The following MYO5A variants were observed in gnomAD, a reference collection of about 807,000 sequenced individuals.
MYO5A encodes myosin VA.
Under a neutral mutation model 249.7 loss-of-function variants are expected in MYO5A, and 98 were observed. The ratio of observed to expected loss-of-function variants is 0.39; its 90% CI spans 0.33 to 0.46. The LOEUF (loss-of-function observed/expected upper bound fraction) is 0.46. Among genes scored for constraint, MYO5A ranks in the 20% least tolerant of loss-of-function variants. The probability of loss-of-function intolerance (pLI) is 0.98; values close to 1 mark genes in which losing one functional copy is unlikely to be tolerated. For missense variants in MYO5A, 1,696 were observed against 2,308.8 expected (o/e 0.73, Z 5.44); for synonymous variants, 778 against 810.6 (o/e 0.96, Z 0.68).
chr15:52,436,030 G>A (rs980345042), intron 1 of MYO5A, among the ~76,000 whole-genome samples: 1 of 152,192 alleles, frequency 6.6e-6, no homozygotes, highest in Non-Finnish European at 1.5e-5. Context: ...CGATTCTCCT[G>A]CCTCAGCCTC....
intron 3 of MYO5A, among the ~76,000 whole-genome samples, chr15:52,426,844 G>A (rs554626827): frequency 1.5e-3 from 228 of 152,028 alleles, no homozygotes; most frequent in African/African-American, 5.3e-3. Context: ...TAATGAAGTC[G>A]TCCATTCAAT....
At chr15:52,413,434 G>A (rs2043336515) in intron 5 of MYO5A, among the ~76,000 whole-genome samples, 1 of 152,110 alleles carries the variant, frequency 6.6e-6, no homozygotes. Context: ...TGCAAAAGAA[G>A]CCTATGTTGA....
intron 1 of MYO5A, among the ~76,000 whole-genome samples, chr15:52,474,513 T>A (rs1262031186): frequency 6.6e-6 from 1 of 152,180 alleles, no homozygotes; most frequent in Non-Finnish European, 1.5e-5. Context: ...CAGTATGATA[T>A]TGGCTGTGGG....
upstream of MYO5A, chr15:52,528,942 CGCGGG>C (rs550600899): frequency 0.01 from 6,929 of 665,978 alleles, 85 homozygotes; most frequent in South Asian, 0.015. Context: ...GGGAGGGCCG[CGCGGG>C]GCGGGGCGGG....
In MYO5A at chr15:52,467,026, G is replaced by C. The variant is rs574547763; in HGVS notation, c.28-33741C>G. 1.9e-4 allele frequency among the ~76,000 whole-genome samples: 29 copies of C among 152,270 alleles called. No homozygotes were observed. The South Asian group carries it at 3.1e-3, about 16-fold the overall frequency. ...TGTATATCCAAGGAAATCATACAAAGTCTTTGTCACTTCATGCAGACAAAT... is the reference window on the plus strand; with the variant it reads ...TGTATATCCAAGGAAATCATACAAACTCTTTGTCACTTCATGCAGACAAAT... On this transcript the variant is annotated intron_variant, in intron 1 of 41. Coordinates refer to ENST00000399233, the MANE Select transcript of MYO5A (RefSeq NM_001382347.1).
chr15:52,508,478 T>C (rs1453658364), intron 1 of MYO5A, among the ~76,000 whole-genome samples: 2 of 151,872 alleles, frequency 1.3e-5, no homozygotes, highest in African/African-American at 4.8e-5. Context: ...GAAACATAAA[T>C]ATACATCTAT....
In MYO5A at chr15:52,396,270, G is replaced by T. The variant is rs773519634; in HGVS notation, c.1401+46C>A. The stretch of plus-strand genomic sequence containing the variant: ...TTTTAAACAAAGACTAGGAATTCAA[G>T]AGAATAATTTATAGCAGAGTATTAT... On this transcript the variant is annotated intron_variant, in intron 11 of 41. Coordinates refer to ENST00000399233, the MANE Select transcript of MYO5A (RefSeq NM_001382347.1). The T allele has an allele frequency of 7.1e-6, 8 of 1,125,980 alleles. No individual in the cohort carries two copies. The East Asian group carries it at 9.7e-5, about 14-fold the overall frequency. 69.7% of individuals were successfully genotyped at this position (1,125,980 alleles called of 1,614,324 possible).
chr15:52,426,014 A>G (rs200301094), intron 3 of MYO5A, 40 bp from the exon 4 acceptor site: 16 of 1,572,302 alleles, frequency 1.0e-5, no homozygotes, highest in East Asian at 9.0e-5. Context: ...AAAGAAGTCA[A>G]TGATACCCTA....
intron 14 of MYO5A, among the ~76,000 whole-genome samples, chr15:52,387,036 G>A (rs954271873): frequency 6.6e-6 from 1 of 152,140 alleles, no homozygotes; most frequent in Non-Finnish European, 1.5e-5. Flanking sequence ...CAGTAATCTA[G>A]AAGAATTCAC....
At chr15:52,336,332 CAA>C in intron 34 of MYO5A, 129 bp downstream of exon 34, 1 of 658,114 alleles carries the variant, frequency 1.5e-6, no homozygotes, top group Admixed American at 2.7e-5. Context: ...TTAGGTTTGC[CAA>C]AAGTCATATT....
chr15:52,337,045 T>C (rs1032728633), intron 33 of MYO5A, among the ~76,000 whole-genome samples: 1 of 152,176 alleles, frequency 6.6e-6, no homozygotes, highest in African/African-American at 2.4e-5. Context: ...AACTTAAGAA[T>C]AGTTCAGAAG....
At chr15:52,423,007 G>A (rs532598178) in intron 4 of MYO5A, among the ~76,000 whole-genome samples, 72 of 152,246 alleles carry the variant, frequency 4.7e-4, no homozygotes, top group Middle Eastern at 3.4e-3. Flanking sequence ...ACAGACGTGC[G>A]CCACCATGCC....
chr15:52,397,996 C>T (rs1410163198), intron 9 of MYO5A, among the ~76,000 whole-genome samples: 2 of 152,066 alleles, frequency 1.3e-5, no homozygotes, highest in African/African-American at 4.8e-5. Flanking sequence ...AAGGAAGGTG[C>T]TAACTGGGTG....
In MYO5A at chr15:52,319,307, C is replaced by T. The variant is rs559786780; in HGVS notation, c.4987G>A (p.Val1663Met). ...AACCCTGTGGGCTTCACCCCAGACA[C>T]GCCCTGAATCGTTTCATGTTCCAGC... ...GMLEHETIQG[V>M]SGVKPTGLRK... The change falls in exon 39 of 42, where the codon GTG becomes ATG. Residue 1663 changes from valine (V) to methionine (M), a missense_variant. By Grantham distance (21) the Val-to-Met change is conservative (BLOSUM62 1). This residue lies in a region of MYO5A where 625 missense variants were observed against 908.1 expected (regional missense o/e 0.69). Transcript: ENST00000399233. 41 of 1,614,218 alleles carry T rather than the reference C, an allele frequency of 2.5e-5. No individual in the cohort carries two copies. Among genetic ancestry groups the T allele is most frequent in the South Asian group, 2.0e-4 (18 of 91,090 alleles).
At chr15:52,370,819 A>G (rs2041067157) in intron 21 of MYO5A, among the ~76,000 whole-genome samples, 1 of 152,196 alleles carries the variant, frequency 6.6e-6, no homozygotes, top group Non-Finnish European at 1.5e-5. Context: ...AACAGCCTCA[A>G]AATCCCAAGT....
chr15:52,315,581 C>T (rs370561336), intron 40 of MYO5A, among the ~76,000 whole-genome samples: 1 of 150,728 alleles, frequency 6.6e-6, no homozygotes, highest in African/African-American at 2.4e-5. Context: ...ACCATGTTGG[C>T]CTGGCTGGTC....
chr15:52,448,870 T>C (rs1210029043), intron 1 of MYO5A, among the ~76,000 whole-genome samples: 1 of 151,674 alleles, frequency 6.6e-6, no homozygotes, highest in Non-Finnish European at 1.5e-5. Flanking sequence ...CTATATAGCA[T>C]GTGGAATCGG....
chr15:52,464,898 T>C (rs188613409), intron 1 of MYO5A, among the ~76,000 whole-genome samples: 5 of 152,376 alleles, frequency 3.3e-5, no homozygotes, highest in Admixed American at 3.3e-4. Context: ...TATATGACTG[T>C]CACTCACATT....
chr15:52,458,063 G>A (rs1339708117), intron 1 of MYO5A, among the ~76,000 whole-genome samples: 1 of 152,144 alleles, frequency 6.6e-6, no homozygotes, highest in African/African-American at 2.4e-5. Flanking sequence ...TAGATCTCAC[G>A]GAGGTAAAGA....
Sources: allele counts gnomAD v4.1 joint callset (sites outside exome capture counted in the v4.1 genomes callset), GRCh38; gene constraint gnomAD v4.1.1; regional missense constraint gnomAD v4.1.1; transcripts MANE v1.5; gene names NCBI Gene and HGNC (gene_info 2026-07-23, HGNC 2026-07-21).